RUSF1: variants seen among roughly 807,000 people sequenced by gnomAD.
RUSF1 encodes the protein RUS1 family protein C16orf58.
In RUSF1, 58 loss-of-function variants were observed where a neutral mutation model predicts 63.0. The ratio of observed to expected loss-of-function variants is 0.92; its 90% CI spans 0.75 to 1.15. The LOEUF (loss-of-function observed/expected upper bound fraction) is 1.15, where lower values mean the gene tolerates loss of function less well. RUSF1 is among the 50% of genes most tolerant of loss of function. The pLI, the probability that RUSF1 is intolerant of heterozygous loss-of-function variation, is 0.00. For missense variants in RUSF1, 652 were observed against 611.0 expected, an observed-to-expected ratio of 1.07 and a Z score of -0.71; for synonymous variants, 274 against 255.8, an observed-to-expected ratio of 1.07 and a Z score of -0.68.
intron 12 of RUSF1, among the ~76,000 whole-genome samples, chr16:31,491,387 T>C (rs1383720146): frequency 6.6e-6 from 1 of 151,592 alleles, no homozygotes; most frequent in Non-Finnish European, 1.5e-5. Flanking sequence ...TGACACAATC[T>C]GGACTCACTG....
intron 1 of RUSF1, 82 bp downstream of exon 1, chr16:31,507,992 G>A: frequency 1.3e-6 from 2 of 1,541,074 alleles, no homozygotes; most frequent in East Asian, 4.9e-5. Flanking sequence ...CGCCCCCCGG[G>A]CTCCGAGTCT....
intron 9 of RUSF1, 70 bp from the exon 10 acceptor site, chr16:31,493,118 A>T: frequency 6.8e-7 from 1 of 1,470,350 alleles, no homozygotes. Flanking sequence ...CAGCCACTGA[A>T]CAGCCACCCA....
chr16:31,508,036 G>A, intron 1 of RUSF1, 38 bp downstream of exon 1: 1 of 1,572,764 alleles, frequency 6.4e-7, no homozygotes, highest in Non-Finnish European at 8.6e-7. Context: ...AGGGAGGAGT[G>A]GCCTGCACTG....
intron 6 of RUSF1, 43 bp downstream of exon 6, chr16:31,496,806 T>TCCC: frequency 6.8e-7 from 1 of 1,478,676 alleles, no homozygotes; most frequent in Non-Finnish European, 9.1e-7. Flanking sequence ...TCTCTCCCCT[T>TCCC]CCCCTCCCCA....
At chr16:31,499,100 C>T (rs2082618904) in intron 5 of RUSF1, 4 of 609,216 alleles carry the variant, frequency 6.6e-6, no homozygotes, top group Non-Finnish European at 1.2e-5. Context: ...AGTCCTGTGG[C>T]TCTAGACATT....
intron 2 of RUSF1, among the ~76,000 whole-genome samples, chr16:31,506,697 C>T (rs1437558251): frequency 6.6e-6 from 1 of 152,116 alleles, no homozygotes; most frequent in African/African-American, 2.4e-5. Flanking sequence ...GCAGGAGAAT[C>T]GCTTGAACCC....
Position 31,490,742 on chromosome 16 carries a change from G to A in RUSF1, c.*93C>T. The A allele has an allele frequency of 6.9e-7, 1 of 1,449,078 alleles. No homozygotes were observed. 89.8% of individuals were successfully genotyped at this position (1,449,078 alleles called of 1,614,324 possible). ...GGCCCACCCGCTGCAGTTGCCCTAA[G>A]GAAAAATAAAGCTGCCTTTCCCCTG... On this transcript the variant is annotated 3_prime_UTR_variant, in exon 13 of 13. Transcript: ENST00000327237.
rs770654113 is a variant in RUSF1 at position 31,492,016 on chromosome 16, G to A, written c.1302C>T (p.Phe434=). The change falls in exon 12 of 13, where the codon TTC becomes TTT. Residue 434 remains phenylalanine, a synonymous_variant. Coordinates refer to ENST00000327237, the MANE Select transcript of RUSF1 (RefSeq NM_022744.4). ...HEVLDMLFPK[F]LKGLQDAGWK... ...TGGGCTGAGGGATGTTACCTTTCAA[G>A]AACTTTGGGAACAGCATGTCCAACA... 2 of 1,614,152 alleles carry A rather than the reference G, an allele frequency of 1.2e-6. No homozygotes were observed.
In RUSF1 at chr16:31,489,535, T is replaced by C. The variant is rs2082540656; in HGVS notation, c.*1300A>G. 1.6e-6 allele frequency: 1 copy of C among 626,560 alleles called. No individual in the cohort carries two copies. Among genetic ancestry groups the C allele is most frequent in the African/African-American group, 1.8e-5 (1 of 54,796 alleles). 38.8% of individuals were successfully genotyped at this position (626,560 alleles called of 1,614,324 possible). ...TTGAACCGGCCTGGGGGAGGCTTGA[T>C]GTTGATGGGTTGGTGATTAAAGCCT... On this transcript the variant is annotated 3_prime_UTR_variant, in exon 13 of 13. Coordinates refer to ENST00000327237, the MANE Select transcript of RUSF1 (RefSeq NM_022744.4).
intron 2 of RUSF1, among the ~76,000 whole-genome samples, chr16:31,503,256 G>C (rs2082641523): frequency 6.6e-6 from 1 of 152,160 alleles, no homozygotes; most frequent in South Asian, 2.1e-4. Context: ...GAGTGTGGTA[G>C]TTAAGAGTAG....
intron 2 of RUSF1, among the ~76,000 whole-genome samples, chr16:31,502,010 C>T (rs896548844): frequency 6.6e-6 from 1 of 152,188 alleles, no homozygotes; most frequent in African/African-American, 2.4e-5. Flanking sequence ...TAAGATCTGG[C>T]CCTTTACAGA....
chr16:31,489,940 G>A lies in RUSF1; in HGVS notation c.*895C>T, dbSNP rs1170926573. On this transcript the variant is annotated 3_prime_UTR_variant, in exon 13 of 13. Coordinates refer to ENST00000327237, the MANE Select transcript of RUSF1 (RefSeq NM_022744.4). ...CTTGGGGTTTATCCCGAGGGCACAG[G>A]GCAGCCATGTAGGGTGGAGTTGGCA... 9.0e-6 allele frequency: 8 copies of A among 890,150 alleles called. No homozygotes were observed. The African/African-American group carries it at 1.3e-4, about 15-fold the overall frequency. The allele number at this position is 890,150 out of a possible 1,614,324, so 55.1% of individuals were successfully genotyped here. A position where few individuals can be genotyped will look rare whatever the true frequency, so the allele number is the denominator to read the frequency against.
chr16:31,490,729 G>T lies in RUSF1; in HGVS notation c.*106C>A. 7.5e-7 allele frequency: 1 copy of T among 1,326,416 alleles called. No homozygotes were observed. Among genetic ancestry groups the T allele is most frequent in the Non-Finnish European group, 1.1e-6 (1 of 927,776 alleles). 82.2% of individuals were successfully genotyped at this position (1,326,416 alleles called of 1,614,324 possible). A position where few individuals can be genotyped will look rare whatever the true frequency, so the allele number is the denominator to read the frequency against. ...CCCATGAGGGCCTGGCCCACCCGCTGCAGTTGCCCTAAGGAAAAATAAAGC... is the reference window on the plus strand; with the variant it reads ...CCCATGAGGGCCTGGCCCACCCGCTTCAGTTGCCCTAAGGAAAAATAAAGC... On this transcript the variant is annotated 3_prime_UTR_variant, in exon 13 of 13. Coordinates refer to ENST00000327237, the MANE Select transcript of RUSF1 (RefSeq NM_022744.4).
chr16:31,492,377 G>C (rs751398606), intron 10 of RUSF1, 37 bp from the exon 11 acceptor site: 25 of 1,511,316 alleles, frequency 1.7e-5, no homozygotes, highest in South Asian at 1.6e-4. Flanking sequence ...ATCAGGGAAG[G>C]GCCACCTCCC....
Position 31,492,349 on chromosome 16 carries a change from AC to A in RUSF1, c.1088-10del. The A allele has an allele frequency of 6.5e-7, 1 of 1,532,042 alleles. No individual in the cohort carries two copies. Among genetic ancestry groups the A allele is most frequent in the South Asian group, 1.3e-5 (1 of 79,292 alleles). The allele number at this position is 1,532,042 out of a possible 1,614,324, so 94.9% of individuals were successfully genotyped here. On this transcript the variant is annotated splice_polypyrimidine_tract_variant and intron_variant, in intron 10 of 12. Transcript: ENST00000327237. ...AACTACCTGTACCTGGTCTGGAGGG[AC>A]CCAGAGACAGACTGGTATCAGGGAA...
chr16:31,492,046 GT>G lies in RUSF1; in HGVS notation c.1271del (p.His424ProfsTer12). 1 of 1,614,170 alleles carries G rather than the reference GT, an allele frequency of 6.2e-7. No homozygotes were observed. The highest frequency in any genetic ancestry group is 8.5e-7 in the Non-Finnish European group (1 of 1,180,004). ...KESWVVVKET[H>X]EVLDMLFPKF... ...TTGGGAACAGCATGTCCAACACTTC[GT>G]GTGTCTCCTTGACGACGACCCAGCT... is the stretch of plus-strand genomic sequence containing the variant. On this transcript the variant is annotated frameshift_variant, in exon 12 of 13. Coordinates refer to ENST00000327237, the MANE Select transcript of RUSF1 (RefSeq NM_022744.4). LOFTEE classifies it high-confidence loss of function.
At chr16:31,500,012 C>T (rs190071912) in intron 3 of RUSF1, among the ~76,000 whole-genome samples, 1 of 152,242 alleles carries the variant, frequency 6.6e-6, no homozygotes, top group East Asian at 1.9e-4. Context: ...CTAAGAGAGC[C>T]GGGCTCCGAC....
At position 31,490,619 on chromosome 16, in the gene RUSF1, G is replaced by A. The variant is rs1372044180; in HGVS notation, c.*216C>T. 5 of 1,242,302 alleles carry A rather than the reference G, an allele frequency of 4.0e-6. No homozygotes were observed. The Admixed American group carries it at 5.9e-5, about 15-fold the overall frequency. 77.0% of individuals were successfully genotyped at this position (1,242,302 alleles called of 1,614,324 possible). A position where few individuals can be genotyped will look rare whatever the true frequency, so the allele number is the denominator to read the frequency against. ...TGCGGTGCTCCCCAGAAAAGGGGAA[G>A]GGGCAGTGGGGTGAGAAGGTCCTGG... On this transcript the variant is annotated 3_prime_UTR_variant, in exon 13 of 13. Transcript: ENST00000327237.
In RUSF1 at chr16:31,493,866, C is replaced by A. The variant is rs764153592; in HGVS notation, c.773G>T (p.Gly258Val). 6 of 1,614,064 alleles carry A rather than the reference C, an allele frequency of 3.7e-6. No homozygotes were observed. In the South Asian group the frequency reaches 6.6e-5, roughly 18 times the overall value. The stretch of plus-strand genomic sequence containing the variant: ...CCTGCCCACCCTGCTTCCGGCTTAC[C>A]CAGGGCAACCTGACACCAGAGGGAG... ...LMLPLVSGCP[G>V]FSLGCFFFLT... is the part of the protein sequence containing the mutation. Residue 258 changes from glycine (G) to valine (V), a missense_variant and splice_region_variant, in exon 7 of 13, where the codon GGC becomes GTC. Transcript: ENST00000327237.
Sources: gnomAD v4.1 joint callset for allele counts (sites outside exome capture counted in the v4.1 genomes callset) on GRCh38, gnomAD v4.1.1 for gene constraint, MANE v1.5 for transcripts, NCBI Gene and HGNC (gene_info 2026-07-23, HGNC 2026-07-21) for gene names.